Variants in MVB12B observed in about 807,000 individuals in gnomAD.
MVB12B encodes the protein multivesicular body subunit 12B.
A neutral mutation model predicts 41.6 loss-of-function variants in MVB12B; 16 were observed. The ratio of observed to expected loss-of-function variants is 0.38; its 90% CI spans 0.26 to 0.58. The LOEUF (loss-of-function observed/expected upper bound fraction) is 0.58. Ranked by LOEUF, MVB12B falls within the 20% of genes least tolerant of loss-of-function variation. MVB12B has a pLI of 0.62. For missense variants in MVB12B, 274 were observed against 380.2 expected (o/e 0.72, Z 2.32); for synonymous variants, 133 against 139.7 (o/e 0.95, Z 0.34).
At chr9:126,418,351 T>C (rs1390704978) in intron 6 of MVB12B, among the ~76,000 whole-genome samples, 1 of 152,190 alleles carries the variant, frequency 6.6e-6, no homozygotes, top group Non-Finnish European at 1.5e-5. Flanking sequence ...GTTGTTCATA[T>C]ACTTTTTTGT....
chr9:126,354,667 A>G (rs1003018501), intron 2 of MVB12B, among the ~76,000 whole-genome samples: 2 of 152,252 alleles, frequency 1.3e-5, no homozygotes, highest in African/African-American at 2.4e-5. Context: ...GGATATGAAA[A>G]CACATATATA....
Position 126,376,656 on chromosome 9 carries a change from G to A in MVB12B, c.205-4408G>A. 1.6e-6 allele frequency: 2 copies of A among 1,288,910 alleles called. No individual in the cohort carries two copies. The highest frequency in any genetic ancestry group is 2.0e-6 in the Non-Finnish European group (2 of 988,510). The allele number at this position is 1,288,910 out of a possible 1,614,324, so 79.8% of individuals were successfully genotyped here. A position where few individuals can be genotyped will look rare whatever the true frequency, so the allele number is the denominator to read the frequency against. On this transcript the variant is annotated intron_variant, in intron 2 of 9. Transcript: ENST00000361171. This position sits in a 1 kb window ranked among gnomAD's most constrained non-coding sequence, Gnocchi z 4.1. ...AAGCGCGGGTGGCAGGGAGGGGCCTGCCATTGCCATTCAGTGTGTACGCTT... is the reference window on the plus strand; with the variant it reads ...AAGCGCGGGTGGCAGGGAGGGGCCTACCATTGCCATTCAGTGTGTACGCTT...
chr9:126,496,594 C>T (rs1018002734), intron 9 of MVB12B, among the ~76,000 whole-genome samples: 91 of 152,076 alleles, frequency 6.0e-4, no homozygotes, highest in African/African-American at 2.0e-3. Context: ...CCGTTCTCCC[C>T]GGGGAAGGAA....
intron 1 of MVB12B, among the ~76,000 whole-genome samples, chr9:126,335,705 G>T (rs972708934): frequency 6.6e-6 from 1 of 152,176 alleles, no homozygotes; most frequent in African/African-American, 2.4e-5. Flanking sequence ...TGCTCTTGTG[G>T]CGTTTCCTAC....
At chr9:126,361,640 C>T (rs1180801574) in intron 2 of MVB12B, among the ~76,000 whole-genome samples, 2 of 152,010 alleles carry the variant, frequency 1.3e-5, no homozygotes, top group Non-Finnish European at 2.9e-5. Context: ...ATTCTCTCAG[C>T]TTTTGTTTGT....
rs2119173950 is a variant in MVB12B at position 126,459,702 on chromosome 9, G to C, written c.758-21667G>C. ...AGAAGGATGCCTCTTCTGGATGTGG[G>C]GCAGCTTGGAGTGCGCAGTTGTTAC... On this transcript the variant is annotated intron_variant, in intron 7 of 9. Coordinates refer to ENST00000361171, the MANE Select transcript of MVB12B (RefSeq NM_033446.3). This position sits in a 1 kb window ranked among gnomAD's most constrained non-coding sequence, Gnocchi z 4.3. Among the ~76,000 whole-genome samples, 1 of 152,260 alleles carries C rather than the reference G, an allele frequency of 6.6e-6. No individual in the cohort carries two copies. The highest frequency in any genetic ancestry group is 1.9e-4 in the East Asian group (1 of 5,172).
In MVB12B at chr9:126,347,867, G is replaced by A. The variant is rs185868471; in HGVS notation, c.204+7237G>A. On this transcript the variant is annotated intron_variant, in intron 2 of 9. Transcript: ENST00000361171. ...CTGTCACATGGATTTTCAGAAAGCC[G>A]AAGCTGTGGTGGGGGGCCTTTCAGG... 2.0e-4 allele frequency among the ~76,000 whole-genome samples: 31 copies of A among 152,344 alleles called. No homozygotes were observed. In the East Asian group the frequency reaches 5.6e-3, roughly 27 times the overall value.
intron 7 of MVB12B, among the ~76,000 whole-genome samples, chr9:126,454,872 A>C (rs1832950298): frequency 6.6e-6 from 1 of 152,028 alleles, no homozygotes; most frequent in Admixed American, 6.6e-5. Context: ...AACACACCAC[A>C]GAGATGCACG....
At chr9:126,378,603 C>G (rs1477883607) in intron 2 of MVB12B, among the ~76,000 whole-genome samples, 2 of 151,986 alleles carry the variant, frequency 1.3e-5, no homozygotes, top group Admixed American at 6.6e-5. Context: ...GAGTCTCTCT[C>G]TCTCTCTTTC....
At position 126,421,924 on chromosome 9, in the gene MVB12B, C is replaced by T. The variant is rs1291158072; in HGVS notation, c.733C>T (p.His245Tyr). 2 of 1,613,832 alleles carry T rather than the reference C, an allele frequency of 1.2e-6. No individual in the cohort carries two copies. The highest frequency in any genetic ancestry group is 2.7e-5 in the African/African-American group (2 of 74,918). ...NSTRTDYEYQ[H>Y]SNLYAISAMD... ...CACCCGGACGGACTACGAGTACCAG[C>T]ACTCCAATTTGTATGCCATATCAGG... Residue 245 changes from histidine (H) to tyrosine (Y), a missense_variant, in exon 7 of 10, where the codon CAC becomes TAC. By Grantham distance (83) the His-to-Tyr change is moderately conservative. Transcript: ENST00000361171.
intron 2 of MVB12B, 129 bp from the exon 3 acceptor site, chr9:126,380,935 T>C (rs1334595081): frequency 3.2e-6 from 2 of 623,370 alleles, no homozygotes; most frequent in Non-Finnish European, 5.6e-6. Flanking sequence ...CCTAGTGAAA[T>C]GAGCTAATGA....
chr9:126,386,522 T>C lies in MVB12B; in HGVS notation c.313-40T>C. 6.6e-7 allele frequency: 1 copy of C among 1,517,652 alleles called. No individual in the cohort carries two copies. Among genetic ancestry groups the C allele is most frequent in the South Asian group, 1.1e-5 (1 of 88,602 alleles). The allele number at this position is 1,517,652 out of a possible 1,614,324, so 94.0% of individuals were successfully genotyped here. ...AAATGGCAAACCCACCACATGCATG[T>C]TCAGATTAATAGTCTGTATCTCTTT... On this transcript the variant is annotated intron_variant, in intron 3 of 9. Transcript: ENST00000361171. This position sits in a 1 kb window ranked among gnomAD's most constrained non-coding sequence, Gnocchi z 4.3.
intron 7 of MVB12B, among the ~76,000 whole-genome samples, chr9:126,422,912 C>G (rs781023319): frequency 3.3e-5 from 5 of 152,130 alleles, no homozygotes; most frequent in Non-Finnish European, 7.3e-5. Context: ...GGGTGACATT[C>G]CTGCTGAGAA....
intron 2 of MVB12B, among the ~76,000 whole-genome samples, chr9:126,375,868 G>A (rs1043446933): frequency 2.0e-5 from 3 of 152,038 alleles, no homozygotes; most frequent in Non-Finnish European, 4.4e-5. Context: ...CATGATTCCC[G>A]TCCCTTTGTA....
chr9:126,386,603 C>T lies in MVB12B; in HGVS notation c.354C>T (p.Asp118=), dbSNP rs774451403. 6.2e-6 allele frequency: 10 copies of T among 1,613,958 alleles called. No homozygotes were observed. In the Admixed American group the frequency reaches 1.7e-4, roughly 27 times the overall value. ...TGTTAGTAGATATGAAGCTCATTGA[C>T]ATCAAGGACACACTGCCTGTGGGCT... is the stretch of plus-strand genomic sequence containing the variant. ...GNVLVDMKLI[D]IKDTLPVGFI... Residue 118 remains aspartate (D), a synonymous_variant, in exon 4 of 10, where the codon GAC becomes GAT. Transcript: ENST00000361171. The surrounding 1 kb of genome is among the most constrained non-coding windows in gnomAD (Gnocchi z 4.3).
intron 2 of MVB12B, among the ~76,000 whole-genome samples, chr9:126,370,305 G>A (rs925632381): frequency 2.0e-5 from 3 of 151,282 alleles, no homozygotes; most frequent in African/African-American, 7.3e-5. Context: ...TTTGGTCAGT[G>A]ATTTGCTGTG....
At chr9:126,414,415 G>A (rs1016067371) in intron 6 of MVB12B, among the ~76,000 whole-genome samples, 18 of 152,218 alleles carry the variant, frequency 1.2e-4, no homozygotes, top group African/African-American at 3.9e-4. Flanking sequence ...AGTTCCGTGG[G>A]CAGGGGGAAG....
In MVB12B at chr9:126,376,185, C is replaced by T. The variant is rs1427950488; in HGVS notation, c.205-4879C>T. On this transcript the variant is annotated intron_variant, in intron 2 of 9. Transcript: ENST00000361171. The surrounding 1 kb of genome is among the most constrained non-coding windows in gnomAD (Gnocchi z 4.1). ...CTTTCTCTTCCAGTGTTTACAGTTTCTAATCTCTTTATATTGTCCTCAAAT... is the reference window on the plus strand; with the variant it reads ...CTTTCTCTTCCAGTGTTTACAGTTTTTAATCTCTTTATATTGTCCTCAAAT... 1.3e-5 allele frequency among the ~76,000 whole-genome samples: 2 copies of T among 152,090 alleles called. No homozygotes were observed. Among genetic ancestry groups the T allele is most frequent in the African/African-American group, 2.4e-5 (1 of 41,408 alleles).
intron 2 of MVB12B, among the ~76,000 whole-genome samples, chr9:126,347,336 C>T (rs1829623290): frequency 6.6e-6 from 1 of 152,276 alleles, no homozygotes; most frequent in African/African-American, 2.4e-5. Context: ...GGAGTCTCCA[C>T]TTCCCCTTTT....
Sources: gnomAD v4.1 joint callset for allele counts (sites outside exome capture counted in the v4.1 genomes callset) on GRCh38, gnomAD v4.1.1 for gene constraint, Gnocchi (gnomAD v3.1) non-coding constraint, MANE v1.5 for transcripts, NCBI Gene and HGNC (gene_info 2026-07-23, HGNC 2026-07-21) for gene names.